The following PTPRK variants were observed in gnomAD, a reference collection of about 807,000 sequenced individuals.
The protein encoded by PTPRK is protein tyrosine phosphatase receptor type K.
In PTPRK, 75 loss-of-function variants were observed where a neutral mutation model predicts 178.0. That is an observed-to-expected ratio of 0.42 (90% confidence interval 0.35 to 0.51). PTPRK has a LOEUF of 0.51. Ranked by LOEUF, PTPRK falls within the 20% of genes least tolerant of loss-of-function variation. The pLI, the probability that PTPRK is intolerant of heterozygous loss-of-function variation, is 0.02. For synonymous variants in PTPRK, 637 were observed against 620.6 expected, an observed-to-expected ratio of 1.03 and a Z score of -0.39; for missense variants, 1,441 against 1,797.8, an observed-to-expected ratio of 0.80 and a Z score of 3.59.
chr6:128,439,350 C>T (rs1030730760), intron 1 of PTPRK, among the ~76,000 whole-genome samples: 6 of 152,028 alleles, frequency 3.9e-5, no homozygotes, highest in Non-Finnish European at 8.8e-5. Context: ...AGTACCCAGT[C>T]AAGAACAGAG....
intron 13 of PTPRK, among the ~76,000 whole-genome samples, chr6:128,029,663 A>G (rs35747795): frequency 8.7e-4 from 106 of 121,754 alleles, no homozygotes; most frequent in African/African-American, 2.6e-3. Flanking sequence ...TAATAATAAT[A>G]ATAATAATAA....
At chr6:128,368,044 C>A (rs1197612784) in intron 2 of PTPRK, among the ~76,000 whole-genome samples, 1 of 152,078 alleles carries the variant, frequency 6.6e-6, no homozygotes, top group African/African-American at 2.4e-5. Flanking sequence ...GCAAAATGCA[C>A]AGATGTCCTC....
intron 3 of PTPRK, among the ~76,000 whole-genome samples, chr6:128,292,619 TTC>T (rs1172497103): frequency 6.6e-6 from 1 of 152,044 alleles, no homozygotes; most frequent in Non-Finnish European, 1.5e-5. Context: ...ATGTGTTATT[TTC>T]TCTGTCATGA....
At chr6:128,059,492 CT>C (rs1780463386) in intron 13 of PTPRK, among the ~76,000 whole-genome samples, 2 of 152,030 alleles carry the variant, frequency 1.3e-5, no homozygotes, top group Non-Finnish European at 2.9e-5. Context: ...GAATTTTTTG[CT>C]GAAATGGATT....
chr6:128,416,506 G>T (rs1842872816), intron 1 of PTPRK, among the ~76,000 whole-genome samples: 2 of 151,862 alleles, frequency 1.3e-5, no homozygotes, highest in African/African-American at 4.8e-5. Flanking sequence ...AATTAGCCGG[G>T]TGTGGTGGCT....
intron 4 of PTPRK, chr6:128,241,264 A>C (rs761001890): frequency 1.9e-6 from 1 of 533,460 alleles, no homozygotes; most frequent in Non-Finnish European, 3.8e-6. Context: ...TTGAGTTAGA[A>C]CATGAACTAA....
At chr6:127,976,400 A>T (rs1172919408) in intron 27 of PTPRK, among the ~76,000 whole-genome samples, 1 of 152,226 alleles carries the variant, frequency 6.6e-6, no homozygotes, top group Non-Finnish European at 1.5e-5. Context: ...AGGCTGTCCA[A>T]CTTGACTGAG....
intron 3 of PTPRK, among the ~76,000 whole-genome samples, chr6:128,267,112 C>T (rs1819081398): frequency 6.6e-6 from 1 of 151,866 alleles, no homozygotes; most frequent in Admixed American, 6.6e-5. Flanking sequence ...TATATTAATG[C>T]TGATTTGTTA....
intron 3 of PTPRK, among the ~76,000 whole-genome samples, chr6:128,291,131 A>C (rs1823313416): frequency 6.6e-6 from 1 of 152,070 alleles, no homozygotes; most frequent in Admixed American, 6.6e-5. Context: ...ATGTAATCAT[A>C]AGAGTCTTTA....
intron 8 of PTPRK, among the ~76,000 whole-genome samples, chr6:128,087,925 A>T (rs564245643): frequency 6.0e-4 from 92 of 152,274 alleles, no homozygotes; most frequent in African/African-American, 2.1e-3. Context: ...GAGAGTTTGA[A>T]ATTATAAGTA....
chr6:128,341,681 CA>C (rs1831680567), intron 2 of PTPRK, among the ~76,000 whole-genome samples: 1 of 152,116 alleles, frequency 6.6e-6, no homozygotes, highest in South Asian at 2.1e-4. Context: ...GCTTTCCTGC[CA>C]TTAAAAAAGT....
intron 11 of PTPRK, among the ~76,000 whole-genome samples, chr6:128,076,813 C>T (rs1373885332): frequency 6.6e-6 from 1 of 151,948 alleles, no homozygotes; most frequent in Non-Finnish European, 1.5e-5. Context: ...TTCCTGAACA[C>T]CAGCTATGAG....
At chr6:128,130,986 T>C (rs1794145569) in intron 7 of PTPRK, among the ~76,000 whole-genome samples, 1 of 152,214 alleles carries the variant, frequency 6.6e-6, no homozygotes, top group Admixed American at 6.5e-5. Context: ...TTTCCATCCA[T>C]TTCATATCCT....
At chr6:128,248,979 A>T (rs1305526848) in intron 3 of PTPRK, among the ~76,000 whole-genome samples, 3 of 152,196 alleles carry the variant, frequency 2.0e-5, no homozygotes, top group Non-Finnish European at 4.4e-5. Flanking sequence ...TCCAAATCAC[A>T]GGCTGTAAGA....
intron 8 of PTPRK, among the ~76,000 whole-genome samples, chr6:128,086,921 G>C (rs576085465): frequency 6.2e-4 from 94 of 151,942 alleles, no homozygotes; most frequent in African/African-American, 2.2e-3. Context: ...ATTCAAAACA[G>C]AGATTAAAAT....
chr6:128,386,596 G>C (rs1168553257), intron 2 of PTPRK, among the ~76,000 whole-genome samples: 2 of 152,112 alleles, frequency 1.3e-5, no homozygotes, highest in East Asian at 3.8e-4. Context: ...ACCAAGTTTT[G>C]TTTTTTAAAA....
chr6:128,463,746 T>G (rs1210170291), intron 1 of PTPRK, among the ~76,000 whole-genome samples: 8 of 131,694 alleles, frequency 6.1e-5, no homozygotes, highest in Admixed American at 3.7e-4. Context: ...TCACGGTTTT[T>G]TTTTTTTTTT....
At chr6:128,390,060 G>A (rs1839335318) in intron 2 of PTPRK, among the ~76,000 whole-genome samples, 1 of 152,090 alleles carries the variant, frequency 6.6e-6, no homozygotes, top group Non-Finnish European at 1.5e-5. Context: ...TCTCTGTGCA[G>A]AGGGCAAAAG....
At chr6:128,274,838 C>CAAGATTAGATTATCAAGAA (rs1820458963) in intron 3 of PTPRK, among the ~76,000 whole-genome samples, 1 of 151,866 alleles carries the variant, frequency 6.6e-6, no homozygotes, top group African/African-American at 2.4e-5. Context: ...ATTCAGAAGA[C>CAAGATTAGATTATCAAGAA]AAATTTCTGG....
Sources: allele counts gnomAD v4.1 joint callset (sites outside exome capture counted in the v4.1 genomes callset), GRCh38; gene constraint gnomAD v4.1.1; transcripts MANE v1.5; gene names NCBI Gene and HGNC (gene_info 2026-07-23, HGNC 2026-07-21).